Variants in RAMP3 observed in about 807,000 individuals in gnomAD.
RAMP3 encodes receptor activity modifying protein 3, also known as receptor activity-modifying protein 3.
A neutral mutation model predicts 13.5 loss-of-function variants in RAMP3; 14 were observed. The ratio of observed to expected loss-of-function variants is 1.04; its 90% CI spans 0.69 to 1.63. The LOEUF (loss-of-function observed/expected upper bound fraction) is 1.63, where lower values mean the gene tolerates loss of function less well. RAMP3 is among the 40% of genes most tolerant of loss of function. The pLI is 0.00. For missense variants in RAMP3, 200 were observed against 204.8 expected, an observed-to-expected ratio of 0.98 and a Z score of 0.14; for synonymous variants, 106 against 88.3, an observed-to-expected ratio of 1.20 and a Z score of -1.12.
At chr7:45,174,555 A>T (rs965249380) in intron 1 of RAMP3, among the ~76,000 whole-genome samples, 1 of 151,856 alleles carries the variant, frequency 6.6e-6, no homozygotes, top group South Asian at 2.1e-4. Context: ...TGCATTTTTT[A>T]TCCCCCTATA....
intron 2 of RAMP3, 115 bp from the exon 3 acceptor site, chr7:45,183,042 A>G: frequency 7.1e-7 from 1 of 1,408,376 alleles, no homozygotes; most frequent in Non-Finnish European, 9.7e-7. Flanking sequence ...GGCTGTGAAT[A>G]GGTGGCCAAA....
At chr7:45,176,777 T>C (rs963381736) in intron 1 of RAMP3, among the ~76,000 whole-genome samples, 3 of 152,242 alleles carry the variant, frequency 2.0e-5, no homozygotes, top group Admixed American at 6.5e-5. Context: ...TTCCCATTGC[T>C]GGGAACATGA....
chr7:45,171,855 T>C (rs2128657027), intron 1 of RAMP3, among the ~76,000 whole-genome samples: 1 of 152,372 alleles, frequency 6.6e-6, no homozygotes, highest in South Asian at 2.1e-4. Context: ...GCTATGGAAA[T>C]ATCTGTCTCT....
In RAMP3 at chr7:45,158,246, C is replaced by T. The variant is rs573679089; in HGVS notation, c.58+360C>T. On this transcript the variant is annotated intron_variant, in intron 1 of 2. Transcript: ENST00000242249. ...CCAGGTCTGGCTCTTTACCCCTTAT[C>T]CCCCAGGGTGGGCTGTCTGTAAGGT... Among the ~76,000 whole-genome samples, 276 of 152,330 alleles carry T rather than the reference C, an allele frequency of 1.8e-3. 2 individuals carry two copies. Among genetic ancestry groups the T allele is most frequent in the African/African-American group, 6.3e-3 (262 of 41,584 alleles).
intron 2 of RAMP3, 74 bp from the exon 3 acceptor site, chr7:45,183,083 T>C (rs1786350055): frequency 3.8e-6 from 6 of 1,576,428 alleles, no homozygotes; most frequent in Non-Finnish European, 5.2e-6. Context: ...CCCACCCATC[T>C]TCCTGGCCTC....
chr7:45,172,069 C>T (rs112470397), intron 1 of RAMP3, among the ~76,000 whole-genome samples: 2 of 140,006 alleles, frequency 1.4e-5, no homozygotes, highest in Admixed American at 1.3e-4. Flanking sequence ...GGTTGGGGCC[C>T]CAGTACTCTT....
chr7:45,163,588 T>C, intron 1 of RAMP3: 1 of 985,322 alleles, frequency 1.0e-6, no homozygotes, highest in Non-Finnish European at 1.2e-6. Flanking sequence ...TCAGCAGTGG[T>C]GGGAATAGGA....
chr7:45,160,563 G>A (rs373973014), intron 1 of RAMP3, among the ~76,000 whole-genome samples: 5 of 151,800 alleles, frequency 3.3e-5, no homozygotes, highest in Admixed American at 2.0e-4. Flanking sequence ...TCCCAAGGTC[G>A]ACTGACCGTG....
intron 1 of RAMP3, among the ~76,000 whole-genome samples, chr7:45,161,912 G>A (rs1432712324): frequency 2.0e-5 from 3 of 152,138 alleles, no homozygotes; most frequent in African/African-American, 7.2e-5. Flanking sequence ...CGGAGCTCAG[G>A]AGACCCACCC....
intron 1 of RAMP3, among the ~76,000 whole-genome samples, chr7:45,161,553 GGGA>G (rs1785866973): frequency 6.6e-6 from 1 of 152,076 alleles, no homozygotes; most frequent in South Asian, 2.1e-4. Context: ...GAAAGGGCTG[GGGA>G]GGAGAAGGCA....
Position 45,163,953 on chromosome 7 carries a change from T to C in RAMP3, c.58+6067T>C, listed in dbSNP as rs562789684. 9.1e-5 allele frequency: 85 copies of C among 930,864 alleles called. No homozygotes were observed. In the African/African-American group the frequency reaches 1.5e-3, roughly 16 times the overall value. 57.7% of individuals were successfully genotyped at this position (930,864 alleles called of 1,614,324 possible). On this transcript the variant is annotated intron_variant, in intron 1 of 2. Transcript: ENST00000242249. ...TGATGTGAAGGTTCAGAGGGCCTAT[T>C]TGGGTTAAGTGGGAGAGTACTGTGG...
chr7:45,163,080 C>A, intron 1 of RAMP3: 2 of 821,956 alleles, frequency 2.4e-6, no homozygotes, highest in Non-Finnish European at 2.9e-6. Flanking sequence ...AGCCTTGACC[C>A]CATGTCTGAA....
intron 1 of RAMP3, among the ~76,000 whole-genome samples, chr7:45,166,709 G>A (rs1051314251): frequency 6.6e-6 from 1 of 152,024 alleles, no homozygotes; most frequent in Non-Finnish European, 1.5e-5. Flanking sequence ...GGTTTTTGGT[G>A]TCATGTATAA....
At chr7:45,177,256 T>C in intron 1 of RAMP3, 53 bp from the exon 2 acceptor site, 1 of 1,609,958 alleles carries the variant, frequency 6.2e-7, no homozygotes, top group South Asian at 1.1e-5. Flanking sequence ...TCCCCTGTCC[T>C]GGCATCCCCA....
At chr7:45,177,664 C>A (rs965468996) in intron 2 of RAMP3, among the ~76,000 whole-genome samples, 1 of 152,196 alleles carries the variant, frequency 6.6e-6, no homozygotes, top group African/African-American at 2.4e-5. Context: ...CTGGCCACCC[C>A]ACCCACATCC....
intron 1 of RAMP3, among the ~76,000 whole-genome samples, chr7:45,171,042 C>G (rs1229905720): frequency 6.6e-6 from 1 of 152,088 alleles, no homozygotes; most frequent in Non-Finnish European, 1.5e-5. Flanking sequence ...CATCTCAAAA[C>G]CATATCTAAT....
At chr7:45,159,670 T>C (rs1377015237) in intron 1 of RAMP3, among the ~76,000 whole-genome samples, 1 of 152,166 alleles carries the variant, frequency 6.6e-6, no homozygotes, top group East Asian at 1.9e-4. Flanking sequence ...CGAGCTGCAA[T>C]GTAGATGTAA....
At chr7:45,170,161 T>A (rs1256197334) in intron 1 of RAMP3, among the ~76,000 whole-genome samples, 2 of 64,700 alleles carry the variant, frequency 3.1e-5, no homozygotes, top group African/African-American at 5.9e-5. Context: ...TTTTTTTTTT[T>A]AATGAGCTTT....
intron 1 of RAMP3, among the ~76,000 whole-genome samples, chr7:45,176,154 G>A (rs2128657828): frequency 6.6e-6 from 1 of 152,298 alleles, no homozygotes. Flanking sequence ...GGTGGGGCCT[G>A]TATCCCTCAT....
Sources: gnomAD v4.1 joint callset for allele counts (sites outside exome capture counted in the v4.1 genomes callset) on GRCh38, gnomAD v4.1.1 for gene constraint, MANE v1.5 for transcripts, NCBI Gene and HGNC (gene_info 2026-07-23, HGNC 2026-07-21) for gene names.